SOX6: variants seen among roughly 807,000 people sequenced by gnomAD.
The protein encoded by SOX6 is transcription factor SOX-6.
In SOX6, 11 loss-of-function variants were observed where a neutral mutation model predicts 97.8. The ratio of observed to expected loss-of-function variants is 0.11; its 90% CI spans 0.07 to 0.19. The LOEUF is 0.19. Among genes scored for constraint, SOX6 ranks in the 10% least tolerant of loss-of-function variants. The pLI, the probability that SOX6 is intolerant of heterozygous loss-of-function variation, is 1.00. For missense variants in SOX6, 810 were observed against 1,039.5 expected (o/e 0.78, Z 3.04); for synonymous variants, 360 against 371.4 (o/e 0.97, Z 0.35).
intron 4 of SOX6, among the ~76,000 whole-genome samples, chr11:16,583,873 C>G (rs1222815230): frequency 6.6e-6 from 1 of 151,054 alleles, no homozygotes. Flanking sequence ...ATGTACATTC[C>G]TACCAATAGT....
At chr11:16,417,299 A>G (rs1858943945) in intron 1 of SOX6, among the ~76,000 whole-genome samples, 1 of 152,022 alleles carries the variant, frequency 6.6e-6, no homozygotes, top group South Asian at 2.1e-4. Context: ...TGGACAGCAT[A>G]TTGTGTTTTC....
At chr11:16,628,254 T>A (rs577807979) in intron 3 of SOX6, among the ~76,000 whole-genome samples, 1 of 152,318 alleles carries the variant, frequency 6.6e-6, no homozygotes, top group South Asian at 2.1e-4. Context: ...TTCTTTTTTC[T>A]TAAGATTGCT....
intron 3 of SOX6, among the ~76,000 whole-genome samples, chr11:16,687,829 G>C (rs906504317): frequency 2.6e-5 from 4 of 152,078 alleles, no homozygotes; most frequent in African/African-American, 4.8e-5. Flanking sequence ...ATCACACCCA[G>C]CCCCTATAGT....
At chr11:16,382,469 A>C (rs1249480470) in intron 1 of SOX6, 1 of 151,992 alleles carries the variant, frequency 6.6e-6, no homozygotes, top group Non-Finnish European at 1.5e-5. Context: ...AGGGAGAATA[A>C]TTTGCTATTT....
At chr11:16,291,232 TATATATATATATA>T (rs1854900518) in intron 3 of SOX6, among the ~76,000 whole-genome samples, 1 of 178 alleles carries the variant, frequency 5.6e-3, no homozygotes, top group African/African-American at 0.014. Context: ...TATAAATTTA[TATATATATATATA>T]TATATATATA....
chr11:16,705,313 T>G (rs1257033758), intron 3 of SOX6, among the ~76,000 whole-genome samples: 2 of 151,692 alleles, frequency 1.3e-5, no homozygotes, highest in Admixed American at 6.6e-5. Context: ...CCACCCCTTC[T>G]GCTTATATGC....
chr11:16,528,293 G>T (rs905307412), intron 4 of SOX6, among the ~76,000 whole-genome samples: 1 of 152,102 alleles, frequency 6.6e-6, no homozygotes, highest in African/African-American at 2.4e-5. Context: ...TCCAATCATT[G>T]TTGTAGCTGT....
At chr11:16,112,054 T>C (rs1651693675) in intron 6 of SOX6, 131 bp from the exon 7 acceptor site, 2 of 1,153,808 alleles carry the variant, frequency 1.7e-6, no homozygotes, top group Admixed American at 4.0e-5. Flanking sequence ...AAATCTGCAA[T>C]CTGAGAAAAT....
In SOX6 at chr11:16,326,628, C is replaced by T. The variant is rs974290175; in HGVS notation, c.238-7975G>A. 3.5e-4 allele frequency among the ~76,000 whole-genome samples: 53 copies of T among 152,068 alleles called. 1 individual carries two copies. Among genetic ancestry groups the T allele is most frequent in the Non-Finnish European group, 1.5e-4 (10 of 68,014 alleles). On this transcript the variant is annotated intron_variant, in intron 2 of 15. Transcript: ENST00000683767. ...AAAGGAGATTTATCTACATTTGAGG[C>T]AAAAATTACACTTTATTATTCACCT...
At chr11:16,043,730 G>A (rs1215893774) in intron 12 of SOX6, among the ~76,000 whole-genome samples, 1 of 152,164 alleles carries the variant, frequency 6.6e-6, no homozygotes, top group Non-Finnish European at 1.5e-5. Flanking sequence ...GTGCAGCACA[G>A]ATCCCCCCCT....
At chr11:16,724,743 A>G (rs996614649) in intron 2 of SOX6, among the ~76,000 whole-genome samples, 10 of 152,176 alleles carry the variant, frequency 6.6e-5, no homozygotes, top group African/African-American at 2.4e-4. Context: ...GTGTATATAT[A>G]TTCATTAGTA....
chr11:16,165,428 T>C (rs189972447), intron 6 of SOX6, among the ~76,000 whole-genome samples: 1 of 152,300 alleles, frequency 6.6e-6, no homozygotes. Context: ...TCAAGATTTC[T>C]TATTTTAACA....
chr11:16,698,708 T>C (rs1848071254), intron 3 of SOX6, among the ~76,000 whole-genome samples: 1 of 152,180 alleles, frequency 6.6e-6, no homozygotes, highest in African/African-American at 2.4e-5. Context: ...GCTTATTAAT[T>C]GGCCTAATTT....
At chr11:16,676,513 A>C (rs1037732966) in intron 3 of SOX6, among the ~76,000 whole-genome samples, 5 of 152,176 alleles carry the variant, frequency 3.3e-5, no homozygotes, top group Non-Finnish European at 7.3e-5. Flanking sequence ...TATAATGTGA[A>C]ATCTCTGGAA....
At chr11:16,180,640 A>G (rs1469842104) in intron 6 of SOX6, among the ~76,000 whole-genome samples, 3 of 151,804 alleles carry the variant, frequency 2.0e-5, no homozygotes. Context: ...GTGATATTTT[A>G]ATAATCATTT....
chr11:16,027,241 G>C (rs986079051), intron 12 of SOX6, among the ~76,000 whole-genome samples: 1 of 152,074 alleles, frequency 6.6e-6, no homozygotes, highest in African/African-American at 2.4e-5. Context: ...ATTATTCAAA[G>C]AGGGAAAAAC....
intron 6 of SOX6, among the ~76,000 whole-genome samples, chr11:16,177,621 ATCTCTCTCTC>A (rs71044087): frequency 2.1e-5 from 3 of 145,768 alleles, no homozygotes; most frequent in East Asian, 4.1e-4. Context: ...GAATAAGATG[ATCTCTCTCTC>A]TCTCTCTCTC....
intron 4 of SOX6, among the ~76,000 whole-genome samples, chr11:16,600,822 C>T (rs573608686): frequency 1.6e-4 from 25 of 152,246 alleles, no homozygotes; most frequent in African/African-American, 5.1e-4. Flanking sequence ...TCTGACACAA[C>T]GCTCACCAAA....
intron 4 of SOX6, among the ~76,000 whole-genome samples, chr11:16,544,047 A>T (rs1565176676): frequency 6.6e-6 from 1 of 152,204 alleles, no homozygotes; most frequent in Admixed American, 6.5e-5. Flanking sequence ...CAATAAAAAT[A>T]AAGTACTAAA....
Sources: gnomAD v4.1 joint callset for allele counts (sites outside exome capture counted in the v4.1 genomes callset) on GRCh38, gnomAD v4.1.1 for gene constraint, MANE v1.5 for transcripts, NCBI Gene and HGNC (gene_info 2026-07-23, HGNC 2026-07-21) for gene names.